The following CNOT4 variants were observed in gnomAD, a reference collection of about 807,000 sequenced individuals.
The protein encoded by CNOT4 is CCR4-associated factor 4.
CNOT4 carries 8 observed loss-of-function variants against 73.8 expected under a neutral mutation model. The ratio of observed to expected loss-of-function variants is 0.11; its 90% confidence interval spans 0.06 to 0.20. CNOT4 has a LOEUF of 0.20. Ranked by LOEUF, CNOT4 falls within the 10% of genes least tolerant of loss-of-function variation. CNOT4 has a pLI of 1.00. For synonymous variants in CNOT4, 293 were observed against 321.1 expected (o/e 0.91, Z 0.94); for missense variants, 564 against 883.4 (o/e 0.64, Z 4.58).
chr7:135,488,224 T>A (rs1392029222), intron 1 of CNOT4, among the ~76,000 whole-genome samples: 1 of 152,128 alleles, frequency 6.6e-6, no homozygotes, highest in East Asian at 1.9e-4. Flanking sequence ...GTGAGTGGCA[T>A]GATGTCAACT....
At chr7:135,380,151 C>G (rs1795764797) in intron 10 of CNOT4, among the ~76,000 whole-genome samples, 1 of 152,012 alleles carries the variant, frequency 6.6e-6, no homozygotes, top group African/African-American at 2.4e-5. Context: ...AAAAACCCAG[C>G]AGATATGCTA....
chr7:135,459,641 T>C (rs1158258908), intron 1 of CNOT4, among the ~76,000 whole-genome samples: 1 of 152,194 alleles, frequency 6.6e-6, no homozygotes, highest in African/African-American at 2.4e-5. Context: ...TATAAAATGG[T>C]TGTTCCATTT....
intron 10 of CNOT4, chr7:135,386,991 T>G: frequency 1.5e-6 from 1 of 685,206 alleles, no homozygotes; most frequent in South Asian, 6.6e-5. Context: ...GGAGAAGGCT[T>G]TGAGCTAGTA....
intron 1 of CNOT4, among the ~76,000 whole-genome samples, chr7:135,496,116 G>A (rs1169555447): frequency 4.6e-5 from 7 of 151,946 alleles, no homozygotes. Flanking sequence ...TTTGAGACAA[G>A]AGGTCTCACT....
At chr7:135,490,228 A>G (rs1803017890) in intron 1 of CNOT4, among the ~76,000 whole-genome samples, 1 of 152,256 alleles carries the variant, frequency 6.6e-6, no homozygotes, top group Non-Finnish European at 1.5e-5. Context: ...ATTAACAAAC[A>G]TAAAACCAAC....
intron 1 of CNOT4, among the ~76,000 whole-genome samples, chr7:135,497,553 G>C (rs549137640): frequency 6.6e-6 from 1 of 152,172 alleles, no homozygotes; most frequent in South Asian, 2.1e-4. Flanking sequence ...AAAATCCTCT[G>C]TCCTTATAGT....
At chr7:135,379,282 T>C (rs1261885433) in intron 10 of CNOT4, among the ~76,000 whole-genome samples, 1 of 152,214 alleles carries the variant, frequency 6.6e-6, no homozygotes, top group Non-Finnish European at 1.5e-5. Context: ...ATAAAATCCT[T>C]ATTTTAATAA....
rs375281143 is a variant in CNOT4 at position 135,468,684 on chromosome 7, C to A, written c.-92-30261G>T. 1.1e-3 allele frequency among the ~76,000 whole-genome samples: 139 copies of A among 124,616 alleles called. 1 individual carries two copies. The highest frequency in any genetic ancestry group is 5.4e-3 in the East Asian group (24 of 4,412). The allele number at this position is 124,616 out of a possible 152,430, so 81.8% of individuals were successfully genotyped here. ...CTGGGTGACGAGCAAGACTCTGTCT[C>A]AAAAAAAAAAAAAAAAAAATTTACA... On this transcript the variant is annotated intron_variant, in intron 1 of 11. Coordinates refer to ENST00000541284, the MANE Select transcript of CNOT4 (RefSeq NM_001190850.2).
At chr7:135,482,074 C>A (rs972705186) in intron 1 of CNOT4, among the ~76,000 whole-genome samples, 1 of 151,936 alleles carries the variant, frequency 6.6e-6, no homozygotes, top group Non-Finnish European at 1.5e-5. Flanking sequence ...TTCAAAGTAG[C>A]TAGAAGAAAG....
chr7:135,399,975 TAAAC>T (rs1435249179), intron 7 of CNOT4, among the ~76,000 whole-genome samples: 3 of 152,048 alleles, frequency 2.0e-5, no homozygotes, highest in African/African-American at 2.4e-5. Context: ...ATGAATTGTT[TAAAC>T]AAACAAACAA....
chr7:135,364,378 T>C lies in CNOT4; in HGVS notation c.1628-312A>G, dbSNP rs1794803700. ...TCAATGCTCCAGAGCACAATTTAGT[T>C]CCAGCTACATTATGAAGTTTCACTT... On this transcript the variant is annotated intron_variant, in intron 10 of 11. Coordinates refer to ENST00000541284, the MANE Select transcript of CNOT4 (RefSeq NM_001190850.2). The surrounding 1 kb of genome is among the most constrained non-coding windows in gnomAD (Gnocchi z 4.3). Among the ~76,000 whole-genome samples the C allele has an allele frequency of 6.6e-6, 1 of 152,168 alleles. No homozygotes were observed. Among genetic ancestry groups the C allele is most frequent in the African/African-American group, 2.4e-5 (1 of 41,452 alleles).
chr7:135,454,282 T>C (rs1800384700), intron 1 of CNOT4, among the ~76,000 whole-genome samples: 1 of 151,904 alleles, frequency 6.6e-6, no homozygotes, highest in African/African-American at 2.4e-5. Context: ...TTCATTCCTG[T>C]TTCCAATAGA....
At chr7:135,492,827 G>A (rs1803203861) in intron 1 of CNOT4, among the ~76,000 whole-genome samples, 1 of 152,144 alleles carries the variant, frequency 6.6e-6, no homozygotes, top group African/African-American at 2.4e-5. Context: ...AAATGGGCTA[G>A]AGAGTAAGAT....
At chr7:135,420,868 T>C (rs1406051001) in intron 3 of CNOT4, among the ~76,000 whole-genome samples, 1 of 151,910 alleles carries the variant, frequency 6.6e-6, no homozygotes, top group Non-Finnish European at 1.5e-5. Flanking sequence ...CTACAGAAGG[T>C]GAGTCATACA....
intron 7 of CNOT4, among the ~76,000 whole-genome samples, chr7:135,403,713 C>T (rs765931879): frequency 3.3e-4 from 50 of 152,128 alleles, no homozygotes; most frequent in Non-Finnish European, 5.7e-4. Context: ...ACCCCATGAC[C>T]TACTTAACAT....
intron 1 of CNOT4, among the ~76,000 whole-genome samples, chr7:135,461,985 C>T (rs1165036734): frequency 6.6e-6 from 1 of 151,632 alleles, no homozygotes; most frequent in African/African-American, 2.4e-5. Context: ...AGGATAAGAA[C>T]TGCGACAGTC....
chr7:135,478,975 T>TA (rs1802173361), intron 1 of CNOT4, among the ~76,000 whole-genome samples: 4 of 152,094 alleles, frequency 2.6e-5, no homozygotes, highest in African/African-American at 9.7e-5. Flanking sequence ...CATATCTATT[T>TA]AAAAAAATTT....
In CNOT4 at chr7:135,405,721, T is replaced by C. The variant is rs139864601; in HGVS notation, c.821+4794A>G. Among the ~76,000 whole-genome samples the C allele has an allele frequency of 9.1e-3, 1,389 of 152,296 alleles. 10 individuals are homozygous for C. The highest frequency in any genetic ancestry group is 0.015 in the Non-Finnish European group (997 of 68,036). ...CTCACTAGGTGAAATAAGAGTAAAA[T>C]ATATTATAGAAAAATTCACTTACTA... On this transcript the variant is annotated intron_variant, in intron 7 of 11. Transcript: ENST00000541284.
chr7:135,497,385 G>A (rs1369685253), intron 1 of CNOT4, among the ~76,000 whole-genome samples: 1 of 152,080 alleles, frequency 6.6e-6, no homozygotes, highest in Non-Finnish European at 1.5e-5. Context: ...CTATAGCCTG[G>A]GTGAGAGAGT....
Sources: allele counts gnomAD v4.1 joint callset (sites outside exome capture counted in the v4.1 genomes callset), GRCh38; gene constraint gnomAD v4.1.1; non-coding constraint Gnocchi (gnomAD v3.1); transcripts MANE v1.5; gene names NCBI Gene and HGNC (gene_info 2026-07-23, HGNC 2026-07-21).